Variants in HPSE2 observed in about 807,000 individuals in gnomAD.
HPSE2 encodes inactive heparanase-2.
In HPSE2, 38 loss-of-function variants were observed where a neutral mutation model predicts 60.5. That is an observed-to-expected ratio of 0.63 (90% CI 0.48 to 0.82). HPSE2 has a LOEUF of 0.82. Ranked by LOEUF, HPSE2 falls within the 40% of genes least tolerant of loss-of-function variation. HPSE2 has a pLI of 0.00. For missense variants in HPSE2, 713 were observed against 740.4 expected, an observed-to-expected ratio of 0.96 and a Z score of 0.43; for synonymous variants, 295 against 293.2, an observed-to-expected ratio of 1.01 and a Z score of -0.06.
chr10:98,826,428 C>A (rs946285650), intron 3 of HPSE2, among the ~76,000 whole-genome samples: 1 of 152,132 alleles, frequency 6.6e-6, no homozygotes, highest in Non-Finnish European at 1.5e-5. Flanking sequence ...ACCTTTGGGG[C>A]AGATTTAAAA....
intron 11 of HPSE2, among the ~76,000 whole-genome samples, chr10:98,480,553 G>A (rs994202667): frequency 6.6e-6 from 1 of 152,134 alleles, no homozygotes; most frequent in East Asian, 1.9e-4. Flanking sequence ...CAAACAGCAG[G>A]GGAATCATCT....
At chr10:98,677,824 C>T (rs1054102517) in intron 6 of HPSE2, among the ~76,000 whole-genome samples, 1 of 152,096 alleles carries the variant, frequency 6.6e-6, no homozygotes, top group Admixed American at 6.6e-5. Flanking sequence ...TCTTTTTAAG[C>T]AGAATTTTTG....
chr10:99,065,921 C>G (rs1842599359), intron 3 of HPSE2, among the ~76,000 whole-genome samples: 2 of 151,676 alleles, frequency 1.3e-5, no homozygotes, highest in Admixed American at 1.3e-4. Context: ...TTCTTCACCT[C>G]TCTTCAGCTT....
chr10:99,236,124 C>CT (rs1329850336), upstream of HPSE2, among the ~76,000 whole-genome samples: 4 of 151,608 alleles, frequency 2.6e-5, no homozygotes, highest in African/African-American at 9.7e-5. Context: ...GGCACCGCCC[C>CT]TTTAAGAGAT....
At chr10:98,976,054 T>A (rs896678299) in intron 3 of HPSE2, among the ~76,000 whole-genome samples, 4 of 152,166 alleles carry the variant, frequency 2.6e-5, no homozygotes, top group African/African-American at 4.8e-5. Context: ...CCAACCTTTT[T>A]ATATCATATC....
At chr10:98,721,570 T>C (rs565851365) in intron 5 of HPSE2, 87 bp downstream of exon 5, 4 of 1,307,842 alleles carry the variant, frequency 3.1e-6, no homozygotes, top group East Asian at 2.5e-5. Context: ...AATAAATAAA[T>C]AAATAAATAA....
intron 6 of HPSE2, among the ~76,000 whole-genome samples, chr10:98,682,463 T>G (rs1016072484): frequency 4.6e-5 from 7 of 152,142 alleles, no homozygotes; most frequent in Non-Finnish European, 1.0e-4. Flanking sequence ...CTACCTTAAA[T>G]GTGCTTGTGA....
chr10:98,897,981 C>T (rs1953543910), intron 3 of HPSE2, among the ~76,000 whole-genome samples: 1 of 151,976 alleles, frequency 6.6e-6, no homozygotes, highest in South Asian at 2.1e-4. Context: ...CCAAAGAACT[C>T]TTAGAACTCA....
At chr10:98,533,358 A>ACGT in intron 9 of HPSE2, among the ~76,000 whole-genome samples, 1 of 152,348 alleles carries the variant, frequency 6.6e-6, no homozygotes, top group African/African-American at 2.4e-5. Flanking sequence ...AAGATAGAAT[A>ACGT]ATGCCTTAAT....
rs1349691936 is a variant in HPSE2, at chr10:99,071,072, T to C, written c.610+73166A>G. 2.0e-5 allele frequency among the ~76,000 whole-genome samples: 3 copies of C among 148,468 alleles called. No individual in the cohort carries two copies. In the East Asian group the frequency reaches 5.8e-4, roughly 29 times the overall value. Reference sequence around the variant, plus strand: ...TATGGTATTTCTATTTTTAATTCTTTTTTTTTTTTTTTTTGAGATGGAGTC... The same window carrying C: ...TATGGTATTTCTATTTTTAATTCTTCTTTTTTTTTTTTTTGAGATGGAGTC... On this transcript the variant is annotated intron_variant, in intron 3 of 11. Transcript: ENST00000370552.
the HPSE2 span, among the ~76,000 whole-genome samples, chr10:99,241,795 G>A: frequency 1.3e-5 from 2 of 152,040 alleles, no homozygotes; most frequent in African/African-American, 2.4e-5. Context: ...TTGTGCTATC[G>A]CTTTCTTATT....
At chr10:98,792,143 T>TA (rs1950667999) in intron 3 of HPSE2, among the ~76,000 whole-genome samples, 1 of 152,174 alleles carries the variant, frequency 6.6e-6, no homozygotes, top group Non-Finnish European at 1.5e-5. Context: ...ATCCTGTGCT[T>TA]ATTGTTTCAG....
intron 3 of HPSE2, among the ~76,000 whole-genome samples, chr10:99,054,733 C>T (rs145412951): frequency 3.3e-5 from 5 of 152,282 alleles, no homozygotes; most frequent in Non-Finnish European, 5.9e-5. Context: ...GTTTTTGAGA[C>T]GGAGTCTCGC....
intron 2 of HPSE2, among the ~76,000 whole-genome samples, chr10:99,155,870 G>GA (rs1489021685): frequency 3.3e-5 from 5 of 151,350 alleles, no homozygotes; most frequent in Middle Eastern, 3.4e-3. Context: ...GACTAATAAA[G>GA]AAAAAAAGAA....
chr10:99,184,786 TTATATATATATATATA>T (rs1191226144), intron 2 of HPSE2, among the ~76,000 whole-genome samples: 2 of 25,284 alleles, frequency 7.9e-5, no homozygotes, highest in African/African-American at 2.8e-4. Context: ...CTATCCAAAA[TTATATATATATATATA>T]TATATATATA....
intron 3 of HPSE2, among the ~76,000 whole-genome samples, chr10:99,002,968 A>T (rs1383864206): frequency 6.6e-6 from 1 of 151,892 alleles, no homozygotes; most frequent in Non-Finnish European, 1.5e-5. Context: ...TCCTTTGTAC[A>T]TATGTCTCCT....
At chr10:98,720,419 T>C (rs1222313462) in intron 5 of HPSE2, among the ~76,000 whole-genome samples, 2 of 152,110 alleles carry the variant, frequency 1.3e-5, no homozygotes, top group African/African-American at 4.8e-5. Flanking sequence ...AAAACAACCA[T>C]GCAACATGAT....
intron 2 of HPSE2, among the ~76,000 whole-genome samples, chr10:99,174,758 A>T (rs1847455562): frequency 6.6e-6 from 1 of 152,226 alleles, no homozygotes; most frequent in African/African-American, 2.4e-5. Flanking sequence ...TAATTAAATT[A>T]AAAAGAAGCC....
In HPSE2 at chr10:98,996,063, T is replaced by C. The variant is rs147093815; in HGVS notation, c.610+148175A>G. 8.9e-4 allele frequency among the ~76,000 whole-genome samples: 136 copies of C among 152,266 alleles called. 2 individuals are homozygous for C. The East Asian group carries it at 0.02, about 22-fold the overall frequency. On this transcript the variant is annotated intron_variant, in intron 3 of 11. Coordinates refer to ENST00000370552, the MANE Select transcript of HPSE2 (RefSeq NM_021828.5). ...TTGACAAATTAAATGCAATGTCATA[T>C]CTTGGATTGGATCCTAAAACCAAAA...
Sources: allele counts gnomAD v4.1 joint callset (sites outside exome capture counted in the v4.1 genomes callset), GRCh38; gene constraint gnomAD v4.1.1; transcripts MANE v1.5; gene names NCBI Gene and HGNC (gene_info 2026-07-23, HGNC 2026-07-21).